The following PDE1C variants were observed in gnomAD, a reference collection of about 807,000 sequenced individuals.
PDE1C encodes phosphodiesterase 1C.
In PDE1C, 62 loss-of-function variants were observed where a neutral mutation model predicts 93.1. The observed-to-expected ratio is 0.67, with a 90% confidence interval of 0.54 to 0.82. The LOEUF is 0.82. PDE1C is among the 40% of genes least tolerant of loss of function. PDE1C has a pLI of 0.00. For missense variants in PDE1C, 742 were observed against 884.6 expected (o/e 0.84, Z 2.04); for synonymous variants, 325 against 310.1 (o/e 1.05, Z -0.50).
chr7:31,860,725 A>G (rs1051619726), intron 7 of PDE1C, among the ~76,000 whole-genome samples: 3 of 152,188 alleles, frequency 2.0e-5, no homozygotes, highest in Non-Finnish European at 4.4e-5. Context: ...AAATTAATCA[A>G]TATTTTGTTG....
At chr7:31,851,550 G>C (rs572847159) in intron 7 of PDE1C, among the ~76,000 whole-genome samples, 1 of 152,262 alleles carries the variant, frequency 6.6e-6, no homozygotes, top group Non-Finnish European at 1.5e-5. Flanking sequence ...TATCGCTTCT[G>C]TAAACCATCC....
At chr7:31,689,053 T>G in the PDE1C span, among the ~76,000 whole-genome samples, 5 of 152,246 alleles carry the variant, frequency 3.3e-5, no homozygotes, top group African/African-American at 7.2e-5. Flanking sequence ...TGGATGTGAC[T>G]GCTGGTGCTC....
At chr7:32,267,928 G>A (rs1206323694) in intron 1 of PDE1C, among the ~76,000 whole-genome samples, 1 of 152,134 alleles carries the variant, frequency 6.6e-6, no homozygotes, top group African/African-American at 2.4e-5. Flanking sequence ...TACGGAATTG[G>A]AAACAGGCTC....
intron 7 of PDE1C, among the ~76,000 whole-genome samples, chr7:31,863,157 T>C (rs1794878593): frequency 6.6e-6 from 1 of 152,052 alleles, no homozygotes; most frequent in South Asian, 2.1e-4. Context: ...TTTTGTGCCC[T>C]TTGATTTAAT....
the PDE1C span, among the ~76,000 whole-genome samples, chr7:31,680,106 C>T: frequency 6.6e-6 from 1 of 152,272 alleles, no homozygotes; most frequent in Admixed American, 6.5e-5. Context: ...AGTACACTTA[C>T]TTAATTGAGC....
At chr7:32,209,558 A>G in intron 1 of PDE1C, 1 of 1,546,078 alleles carries the variant, frequency 6.5e-7, no homozygotes, top group East Asian at 2.4e-5. Flanking sequence ...AAAAAAGAGG[A>G]TGCAATTTAA....
the PDE1C span, among the ~76,000 whole-genome samples, chr7:31,701,687 G>A: frequency 2.6e-5 from 4 of 152,200 alleles, no homozygotes; most frequent in Non-Finnish European, 5.9e-5. Context: ...GTCATCTTGA[G>A]AGATTGCCAC....
intron 3 of PDE1C, among the ~76,000 whole-genome samples, chr7:32,121,393 C>T (rs1308285671): frequency 6.6e-6 from 1 of 152,062 alleles, no homozygotes; most frequent in Non-Finnish European, 1.5e-5. Context: ...CACCAAGATA[C>T]TCCATGAGAA....
At chr7:31,970,008 G>A (rs547997951) in intron 2 of PDE1C, among the ~76,000 whole-genome samples, 1 of 152,190 alleles carries the variant, frequency 6.6e-6, no homozygotes, top group African/African-American at 2.4e-5. Context: ...TGGGGGAGTG[G>A]GGAGGGATAG....
the PDE1C span, among the ~76,000 whole-genome samples, chr7:31,666,099 G>A: frequency 6.6e-6 from 1 of 152,188 alleles, no homozygotes; most frequent in African/African-American, 2.4e-5. Context: ...TGCTTCAGTG[G>A]AAAGTACACT....
chr7:31,837,305 A>C lies in PDE1C; in HGVS notation c.1083-5T>G, dbSNP rs374201128. ...AAGGCTTTTGGCTTTTCAATGCTGT[A>C]AACCAAAAGCACCCAAACACATGAT... is the stretch of plus-strand genomic sequence containing the variant. On this transcript the variant is annotated splice_region_variant and splice_polypyrimidine_tract_variant and intron_variant, in intron 10 of 17. Transcript: ENST00000396191. 6.2e-7 allele frequency: 1 copy of C among 1,603,550 alleles called. No homozygotes were observed. Among genetic ancestry groups the C allele is most frequent in the Non-Finnish European group, 8.5e-7 (1 of 1,174,030 alleles).
intron 2 of PDE1C, among the ~76,000 whole-genome samples, chr7:31,963,683 G>A (rs1348239522): frequency 6.6e-6 from 1 of 152,158 alleles, no homozygotes; most frequent in Non-Finnish European, 1.5e-5. Context: ...GTAGAGGGAG[G>A]AACAACTAGA....
chr7:31,733,943 G>T, the PDE1C span, among the ~76,000 whole-genome samples: 1 of 152,152 alleles, frequency 6.6e-6, no homozygotes, highest in African/African-American at 2.4e-5. Context: ...GGCGGAGGTT[G>T]CAGTGAGCCG....
intron 1 of PDE1C, among the ~76,000 whole-genome samples, chr7:32,330,065 C>T (rs897895549): frequency 2.0e-5 from 3 of 152,254 alleles, no homozygotes; most frequent in Non-Finnish European, 4.4e-5. Flanking sequence ...AGATTCAGAA[C>T]ACATATCTTT....
intron 2 of PDE1C, among the ~76,000 whole-genome samples, chr7:31,916,205 T>C (rs2128949070): frequency 6.6e-6 from 1 of 152,254 alleles, no homozygotes; most frequent in East Asian, 1.9e-4. Context: ...TTATTAATAC[T>C]ATTACTATTG....
At chr7:32,052,555 C>A (rs987840978) in intron 1 of PDE1C, among the ~76,000 whole-genome samples, 1 of 152,120 alleles carries the variant, frequency 6.6e-6, no homozygotes, top group Non-Finnish European at 1.5e-5. Flanking sequence ...GTAGCATATC[C>A]GGGAAGTACA....
At chr7:31,685,975 T>G in the PDE1C span, among the ~76,000 whole-genome samples, 16 of 152,176 alleles carry the variant, frequency 1.1e-4, no homozygotes, top group African/African-American at 3.9e-4. Flanking sequence ...ACTATGGTTC[T>G]AGCCCTGTTA....
intron 1 of PDE1C, among the ~76,000 whole-genome samples, chr7:32,213,155 C>T (rs987126497): frequency 6.6e-6 from 1 of 152,170 alleles, no homozygotes; most frequent in Non-Finnish European, 1.5e-5. Context: ...CTATAGGAAG[C>T]CCCAGGTGTG....
chr7:32,164,223 A>G (rs1254156849), intron 3 of PDE1C, among the ~76,000 whole-genome samples: 3 of 152,212 alleles, frequency 2.0e-5, no homozygotes, highest in African/African-American at 7.2e-5. Flanking sequence ...TCATTTAGAC[A>G]TAAGGTTTGA....
Sources: gnomAD v4.1 joint callset for allele counts (sites outside exome capture counted in the v4.1 genomes callset) on GRCh38, gnomAD v4.1.1 for gene constraint, MANE v1.5 for transcripts, NCBI Gene and HGNC (gene_info 2026-07-23, HGNC 2026-07-21) for gene names.